Variants in HECTD4 observed in about 807,000 individuals in gnomAD.
HECTD4 encodes the protein probable E3 ubiquitin-protein ligase HECTD4.
HECTD4 carries 114 observed loss-of-function variants against 471.5 expected under a neutral mutation model. The observed-to-expected ratio is 0.24, with a 90% CI of 0.21 to 0.28. HECTD4 has a LOEUF of 0.28. Ranked by LOEUF, HECTD4 falls within the 10% of genes least tolerant of loss-of-function variation. The pLI is 1.00. For missense variants in HECTD4, 3,866 were observed against 5,651.5 expected, an observed-to-expected ratio of 0.68 and a Z score of 10.13; for synonymous variants, 2,012 against 2,256.0, an observed-to-expected ratio of 0.89 and a Z score of 3.07.
Position 112,179,320 on chromosome 12 carries a change from T to C in HECTD4, c.11065A>G (p.Ser3689Gly). ...KSCAHSEQTL[S>G]LTPAKPIRVS... ...CTGATGGGCTTCGCTGGTGTCAGGC[T>C]CAGCGTCTGCTCTGAATGGGCACAA... is the stretch of plus-strand genomic sequence containing the variant. Residue 3689 changes from serine to glycine, a missense_variant, in exon 63 of 76, where the codon AGC (serine) becomes GGC (glycine). Physicochemically the swap from Ser to Gly is moderately conservative, Grantham distance 56 (BLOSUM62 0). Around this residue, in one of 16 missense-constraint regions of HECTD4, gnomAD observed 715 missense variants for 1,087.6 expected, o/e 0.66. Transcript: ENST00000682272. The surrounding 1 kb of genome is among the most constrained non-coding windows in gnomAD (Gnocchi z 4.3). 1 of 1,613,434 alleles carries C rather than the reference T, an allele frequency of 6.2e-7. No individual in the cohort carries two copies. The highest frequency in any genetic ancestry group is 8.5e-7 in the Non-Finnish European group (1 of 1,179,674).
chr12:112,202,841 A>C (rs2032466832), intron 54 of HECTD4: 1 of 152,214 alleles, frequency 6.6e-6, no homozygotes, highest in Admixed American at 6.5e-5. Context: ...AGAGCTTTGC[A>C]AAATGGAGGA....
At position 112,248,466 on chromosome 12, in the gene HECTD4, C is replaced by T. The variant is rs1164960960; in HGVS notation, c.3997G>A (p.Val1333Ile). Reference protein sequence around the residue: ...DVMEEMVVSCVIKHLNLVDAL... With the variant: ...DVMEEMVVSCIIKHLNLVDAL... ...TCAACCAAGTTCAAGTGCTTAATAA[C>T]ACAAGATACCACCATTTCCTCCATC... is the stretch of plus-strand genomic sequence containing the variant. Residue 1333 changes from valine to isoleucine, a missense_variant, in exon 26 of 76, where the codon GTT (valine) becomes ATT (isoleucine). By Grantham distance (29) the Val-to-Ile change is conservative. Coordinates refer to ENST00000682272, the MANE Select transcript of HECTD4 (RefSeq NM_001388303.1). The T allele has an allele frequency of 6.2e-7, 1 of 1,609,174 alleles. No homozygotes were observed. The highest frequency in any genetic ancestry group is 8.5e-7 in the Non-Finnish European group (1 of 1,178,348).
In HECTD4 at chr12:112,259,133, C is replaced by A; in HGVS notation, c.3006G>T (p.Gln1002His). 6.2e-7 allele frequency: 1 copy of A among 1,613,406 alleles called. No individual in the cohort carries two copies. Among genetic ancestry groups the A allele is most frequent in the Non-Finnish European group, 8.5e-7 (1 of 1,179,748 alleles). Residue 1002 changes from glutamine (Q) to histidine (H), a missense_variant, in exon 19 of 76, where the codon CAG (glutamine) becomes CAT (histidine). Gln to His is a conservative substitution (Grantham distance 24). This residue lies in a region of HECTD4 where 525 missense variants were observed against 672.6 expected (regional missense o/e 0.78). Coordinates refer to ENST00000682272, the MANE Select transcript of HECTD4 (RefSeq NM_001388303.1). ...ATACCTGGCTGGTATAGAGTACCAGCTGCACTAGCTGAGGCATCAGGGCAT... is the reference window on the plus strand; with the variant it reads ...ATACCTGGCTGGTATAGAGTACCAGATGCACTAGCTGAGGCATCAGGGCAT... The part of the protein sequence containing the change: ...MADALMPQLV[Q>H]LVLYTSQTAL...
intron 1 of HECTD4, chr12:112,321,736 GC>G (rs1431511168): frequency 6.6e-6 from 1 of 151,738 alleles, no homozygotes; most frequent in Non-Finnish European, 1.5e-5. Flanking sequence ...AGCTACATAT[GC>G]AAATCACTGA....
At chr12:112,266,559 C>A (rs529495168) in intron 14 of HECTD4, among the ~76,000 whole-genome samples, 1 of 152,240 alleles carries the variant, frequency 6.6e-6, no homozygotes, top group Non-Finnish European at 1.5e-5. Context: ...CAGCTCACTG[C>A]ATCCTCAACC....
chr12:112,196,784 GTC>G (rs374722536), intron 55 of HECTD4, among the ~76,000 whole-genome samples: 43 of 151,776 alleles, frequency 2.8e-4, no homozygotes, highest in African/African-American at 1.0e-3. Context: ...TAGAGACACG[GTC>G]TCTCTCTCTC....
chr12:112,234,951 G>GT (rs2033465303), intron 37 of HECTD4, 126 bp downstream of exon 37: 1 of 739,658 alleles, frequency 1.4e-6, no homozygotes, highest in Non-Finnish European at 2.2e-6. Context: ...CACAGTGACA[G>GT]TGTCTACCTG....
intron 2 of HECTD4, among the ~76,000 whole-genome samples, chr12:112,315,092 G>T (rs1253659141): frequency 6.6e-6 from 1 of 152,166 alleles, no homozygotes; most frequent in East Asian, 1.9e-4. Context: ...TTGCAACAGG[G>T]CTCACCGCTA....
Position 112,194,865 on chromosome 12 carries a change from G to A in HECTD4, c.8749+20C>T, listed in dbSNP as rs765998138. 1.9e-6 allele frequency: 3 copies of A among 1,595,326 alleles called. No homozygotes were observed. Among genetic ancestry groups the A allele is most frequent in the South Asian group, 2.3e-5 (2 of 87,718 alleles). ...CCTGGTGCTAAGTTCCAGAGTGACA[G>A]CAGCAAAGCCAAGTTTTACCTGGGA... On this transcript the variant is annotated intron_variant, in intron 56 of 75. Coordinates refer to ENST00000682272, the MANE Select transcript of HECTD4 (RefSeq NM_001388303.1). The surrounding 1 kb of genome is among the most constrained non-coding windows in gnomAD (Gnocchi z 4.6).
At chr12:112,185,640 G>A in intron 60 of HECTD4, 147 bp from the exon 61 acceptor site, 1 of 591,872 alleles carries the variant, frequency 1.7e-6, no homozygotes, top group East Asian at 3.1e-5. Flanking sequence ...GAGAAACAGA[G>A]GTTGGGAGGT....
At chr12:112,334,427 A>G (rs1259181823) in intron 1 of HECTD4, among the ~76,000 whole-genome samples, 1 of 151,660 alleles carries the variant, frequency 6.6e-6, no homozygotes, top group Non-Finnish European at 1.5e-5. Flanking sequence ...CATATGAAAA[A>G]ATGCTCAACA....
In HECTD4 at chr12:112,194,752, T is replaced by C; in HGVS notation, c.8749+133A>G. 3 of 769,910 alleles carry C rather than the reference T, an allele frequency of 3.9e-6. No homozygotes were observed. Among genetic ancestry groups the C allele is most frequent in the South Asian group, 3.8e-5 (2 of 53,204 alleles). 47.7% of individuals were successfully genotyped at this position (769,910 alleles called of 1,614,324 possible). ...GCCCTGCCAGGAGAATCCCAGTTCC[T>C]GCGTGCAATTTCTCACGTGAGCCTA... On this transcript the variant is annotated intron_variant, in intron 56 of 75. Transcript: ENST00000682272. The surrounding 1 kb of genome is among the most constrained non-coding windows in gnomAD (Gnocchi z 4.6).
intron 1 of HECTD4, among the ~76,000 whole-genome samples, chr12:112,324,041 C>CTTTCTTTCTTTCTTTCTTT (rs1566112078): frequency 5.7e-5 from 1 of 17,602 alleles, no homozygotes; most frequent in Non-Finnish European, 1.0e-4. Context: ...TTCCTTCCTT[C>CTTTCTTTCTTTCTTTCTTT]CTTCCTTTCT....
At chr12:112,284,654 T>G (rs1396638210) in intron 7 of HECTD4, among the ~76,000 whole-genome samples, 1 of 152,206 alleles carries the variant, frequency 6.6e-6, no homozygotes, top group Non-Finnish European at 1.5e-5. Flanking sequence ...TTGCAGTTGG[T>G]AGTCTCTGAA....
chr12:112,210,041 A>G lies in HECTD4; in HGVS notation c.7841T>C (p.Ile2614Thr), dbSNP rs1212550476. 6.2e-7 allele frequency: 1 copy of G among 1,613,896 alleles called. No individual in the cohort carries two copies. Among genetic ancestry groups the G allele is most frequent in the Non-Finnish European group, 8.5e-7 (1 of 1,179,820 alleles). The change falls in exon 50 of 76, where the codon ATT (isoleucine) becomes ACT (threonine). Residue 2614 changes from isoleucine (I) to threonine (T), a missense_variant. Physicochemically the swap from Ile to Thr is moderately conservative, Grantham distance 89. This residue lies in a region of HECTD4 where 266 missense variants were observed against 441.6 expected (regional missense o/e 0.60). Transcript: ENST00000682272. ...DPGTHGPPCR[I>T]AAVATAQQQY... is the part of the protein sequence containing the mutation. ...TTGCTGAGCGGTGGCCACGGCAGCAATCCGGCATGGTGGCCCATGAGTGCC... is the reference window on the plus strand; with the variant it reads ...TTGCTGAGCGGTGGCCACGGCAGCAGTCCGGCATGGTGGCCCATGAGTGCC...
chr12:112,183,358 C>A, intron 61 of HECTD4, 92 bp from the exon 62 acceptor site: 1 of 1,010,674 alleles, frequency 9.9e-7, no homozygotes, highest in Non-Finnish European at 1.5e-6. Flanking sequence ...TCCTGGAAAC[C>A]CTCTATTCAT....
At chr12:112,337,671 A>T (rs965384954) in intron 1 of HECTD4, among the ~76,000 whole-genome samples, 1 of 152,228 alleles carries the variant, frequency 6.6e-6, no homozygotes, top group African/African-American at 2.4e-5. Flanking sequence ...TCTACAACAC[A>T]TGCATAAACT....
chr12:112,259,207 A>G lies in HECTD4; in HGVS notation c.2932T>C (p.Leu978=), dbSNP rs994715545. 2 of 1,613,932 alleles carry G rather than the reference A, an allele frequency of 1.2e-6. No individual in the cohort carries two copies. Among genetic ancestry groups the G allele is most frequent in the African/African-American group, 1.3e-5 (1 of 75,052 alleles). ...ATMLGHLLPV[L]LTSLMHPNLQ... is the part of the protein sequence containing the mutation. ...TTTGGATGCATCAAGGAGGTCAGTAACACTGGAAGAAGGTGACCAAGCATA... is the reference window on the plus strand; with the variant it reads ...TTTGGATGCATCAAGGAGGTCAGTAGCACTGGAAGAAGGTGACCAAGCATA... Residue 978 remains leucine, a synonymous_variant, in exon 19 of 76, where the codon TTA becomes CTA. Coordinates refer to ENST00000682272, the MANE Select transcript of HECTD4 (RefSeq NM_001388303.1).
chr12:112,244,583 C>T (rs1194692099), intron 29 of HECTD4, among the ~76,000 whole-genome samples: 1 of 152,204 alleles, frequency 6.6e-6, no homozygotes, highest in African/African-American at 2.4e-5. Context: ...GTTGGCCAGG[C>T]TGGTCTTGAA....
Sources: allele counts gnomAD v4.1 joint callset (sites outside exome capture counted in the v4.1 genomes callset), GRCh38; gene constraint gnomAD v4.1.1; regional missense constraint gnomAD v4.1.1; non-coding constraint Gnocchi (gnomAD v3.1); transcripts MANE v1.5; gene names NCBI Gene and HGNC (gene_info 2026-07-23, HGNC 2026-07-21).